RAI14: variants seen among roughly 807,000 people sequenced by gnomAD.
The protein encoded by RAI14 is retinoic acid induced 14, also known as ankycorbin.
In RAI14, 45 loss-of-function variants were observed where a neutral mutation model predicts 115.4. The observed-to-expected ratio is 0.39, with a 90% CI of 0.31 to 0.50. RAI14 has a LOEUF of 0.50. RAI14 is among the 20% of genes least tolerant of loss of function. RAI14 has a pLI of 0.85. For missense variants in RAI14, 939 were observed against 1,131.2 expected (o/e 0.83, Z 2.44); for synonymous variants, 371 against 415.4 (o/e 0.89, Z 1.30).
At chr5:34,688,394 C>A in intron 2 of RAI14, 1 of 759,076 alleles carries the variant, frequency 1.3e-6, no homozygotes, top group African/African-American at 1.8e-5. Context: ...AAAATTTCAT[C>A]AGTCTAGACT....
rs184371829 is a variant in RAI14 at position 34,814,297 on chromosome 5, G to A, written c.853-286G>A. ...CTCATCTCATAAGTATTTTTTAAATGTATGTTAGCATACTTATTAATATTC... is the reference window on the plus strand; with the variant it reads ...CTCATCTCATAAGTATTTTTTAAATATATGTTAGCATACTTATTAATATTC... On this transcript the variant is annotated intron_variant, in intron 11 of 17. Coordinates refer to ENST00000265109, the MANE Select transcript of RAI14 (RefSeq NM_015577.3). Among the ~76,000 whole-genome samples the A allele has an allele frequency of 2.3e-3, 356 of 152,284 alleles. 1 individual carries two copies. Among genetic ancestry groups the A allele is most frequent in the African/African-American group, 8.3e-3 (347 of 41,564 alleles).
At chr5:34,815,292 A>T (rs1756087874) in intron 12 of RAI14, among the ~76,000 whole-genome samples, 1 of 152,206 alleles carries the variant, frequency 6.6e-6, no homozygotes, top group South Asian at 2.1e-4. Flanking sequence ...GAGGCAGGAG[A>T]ATCACTTACA....
chr5:34,690,707 A>T (rs1358642487), intron 2 of RAI14, among the ~76,000 whole-genome samples: 2 of 152,198 alleles, frequency 1.3e-5, no homozygotes, highest in Non-Finnish European at 2.9e-5. Flanking sequence ...GGTGGTTTTG[A>T]TTCTTAAATC....
chr5:34,708,413 G>T (rs1460335180), intron 2 of RAI14, among the ~76,000 whole-genome samples: 1 of 152,044 alleles, frequency 6.6e-6, no homozygotes, highest in Non-Finnish European at 1.5e-5. Flanking sequence ...CGTTGGTCAG[G>T]CTGGTCTCAA....
chr5:34,687,716 A>G (rs773072810), intron 2 of RAI14: 16 of 1,551,502 alleles, frequency 1.0e-5, no homozygotes, highest in Non-Finnish European at 1.4e-5. Flanking sequence ...ATTAGATGGA[A>G]GCCAAGGTAT....
chr5:34,658,034 C>T (rs1742416756), intron 1 of RAI14, among the ~76,000 whole-genome samples: 1 of 152,170 alleles, frequency 6.6e-6, no homozygotes, highest in Non-Finnish European at 1.5e-5. Context: ...TTAGCCAGTG[C>T]TTGTCTAACA....
chr5:34,752,026 A>T lies in RAI14; in HGVS notation c.37-5442A>T, dbSNP rs73074515. On this transcript the variant is annotated intron_variant, in intron 2 of 17. Coordinates refer to ENST00000265109, the MANE Select transcript of RAI14 (RefSeq NM_015577.3). ...GACTCCTGGGGTCAGAGTCTGCTAG[A>T]TGGGGCTTGGGAGTCTGCAGATTTA... 7.9e-3 allele frequency among the ~76,000 whole-genome samples: 1,198 copies of T among 152,270 alleles called. 19 individuals carry two copies. The highest frequency in any genetic ancestry group is 0.028 in the African/African-American group (1,161 of 41,542).
In RAI14 at chr5:34,743,135, G is replaced by A. The variant is rs564734987; in HGVS notation, c.37-14333G>A. Among the ~76,000 whole-genome samples, 163 of 152,316 alleles carry A rather than the reference G, an allele frequency of 1.1e-3. 1 individual carries two copies. Among genetic ancestry groups the A allele is most frequent in the African/African-American group, 3.6e-3 (150 of 41,562 alleles). ...GAGCAAACCCTCTCCATGTGTCACCGCATCAGTTTCTTAGGGCTGCCATAG... is the reference window on the plus strand; with the variant it reads ...GAGCAAACCCTCTCCATGTGTCACCACATCAGTTTCTTAGGGCTGCCATAG... On this transcript the variant is annotated intron_variant, in intron 2 of 17. Coordinates refer to ENST00000265109, the MANE Select transcript of RAI14 (RefSeq NM_015577.3).
At position 34,757,794 on chromosome 5, in the gene RAI14, A is replaced by G. The variant is rs779770330; in HGVS notation, c.167+196A>G. Reference sequence around the variant, plus strand: ...ATATGGAGCTCTACCTTGAATGGGTATACATGTTCCCAAGTATAAGCAAAG... The same window carrying G: ...ATATGGAGCTCTACCTTGAATGGGTGTACATGTTCCCAAGTATAAGCAAAG... On this transcript the variant is annotated intron_variant, in intron 3 of 17. Coordinates refer to ENST00000265109, the MANE Select transcript of RAI14 (RefSeq NM_015577.3). 149 of 543,510 alleles carry G rather than the reference A, an allele frequency of 2.7e-4. 1 individual carries two copies. The highest frequency in any genetic ancestry group is 2.5e-4 in the Non-Finnish European group (88 of 357,376). The allele number at this position is 543,510 out of a possible 1,614,324, so 33.7% of individuals were successfully genotyped here. A position where few individuals can be genotyped will look rare whatever the true frequency, so the allele number is the denominator to read the frequency against.
rs150712220 is a variant in RAI14 at position 34,718,319 on chromosome 5, T to G, written c.36+31364T>G. On this transcript the variant is annotated intron_variant, in intron 2 of 17. Coordinates refer to ENST00000265109, the MANE Select transcript of RAI14 (RefSeq NM_015577.3). ...GTTAATTTACACACCATAAGGTACG[T>G]GGTTAGTGGTTCTCAACATTTTTAA... Among the ~76,000 whole-genome samples the G allele has an allele frequency of 1.7e-3, 255 of 152,378 alleles. 1 individual carries two copies. Among genetic ancestry groups the G allele is most frequent in the Admixed American group, 3.2e-3 (49 of 15,302 alleles).
intron 1 of RAI14, among the ~76,000 whole-genome samples, chr5:34,660,828 A>G (rs760843681): frequency 6.6e-6 from 1 of 151,242 alleles, no homozygotes; most frequent in East Asian, 1.9e-4. Context: ...TACACATGCA[A>G]TCATCATGCT....
intron 2 of RAI14, among the ~76,000 whole-genome samples, chr5:34,752,376 T>C (rs917151473): frequency 3.9e-5 from 6 of 152,086 alleles, no homozygotes; most frequent in Non-Finnish European, 7.3e-5. Context: ...GGGTAAGAAA[T>C]GAAGACTGTT....
chr5:34,741,383 C>G (rs187278829), intron 2 of RAI14, among the ~76,000 whole-genome samples: 3 of 152,196 alleles, frequency 2.0e-5, no homozygotes, highest in African/African-American at 7.2e-5. Flanking sequence ...AGGCTCTTAG[C>G]CCTACACTGT....
chr5:34,681,809 C>CT (rs1744400628), intron 1 of RAI14, among the ~76,000 whole-genome samples: 1 of 150,014 alleles, frequency 6.7e-6, no homozygotes, highest in South Asian at 2.1e-4. Context: ...TGCTGCATTT[C>CT]TTTTTTCATC....
At chr5:34,784,985 A>G (rs1752125045) in intron 3 of RAI14, among the ~76,000 whole-genome samples, 1 of 152,216 alleles carries the variant, frequency 6.6e-6, no homozygotes, top group Non-Finnish European at 1.5e-5. Flanking sequence ...GTCATTTACT[A>G]AAGTCTCCAT....
chr5:34,702,956 T>G (rs1740264575), intron 2 of RAI14, among the ~76,000 whole-genome samples: 1 of 152,224 alleles, frequency 6.6e-6, no homozygotes, highest in Non-Finnish European at 1.5e-5. Flanking sequence ...TCCGCCTGCC[T>G]CGGCCTCCCA....
At chr5:34,728,213 TTTTAA>T (rs1375373610) in intron 2 of RAI14, among the ~76,000 whole-genome samples, 1 of 152,232 alleles carries the variant, frequency 6.6e-6, no homozygotes, top group African/African-American at 2.4e-5. Flanking sequence ...ACCAACTTAC[TTTTAA>T]TTTTACTGGC....
intron 2 of RAI14, among the ~76,000 whole-genome samples, chr5:34,694,461 A>G (rs2149905991): frequency 6.6e-6 from 1 of 152,306 alleles, no homozygotes; most frequent in East Asian, 1.9e-4. Context: ...TAGTGACTAG[A>G]CTTGGCTTTC....
chr5:34,732,273 A>C (rs1744287565), intron 2 of RAI14, among the ~76,000 whole-genome samples: 1 of 152,164 alleles, frequency 6.6e-6, no homozygotes, highest in African/African-American at 2.4e-5. Flanking sequence ...TAATCACTAC[A>C]AAGAGCCAGA....
Sources: gnomAD v4.1 joint callset for allele counts (sites outside exome capture counted in the v4.1 genomes callset) on GRCh38, gnomAD v4.1.1 for gene constraint, MANE v1.5 for transcripts, NCBI Gene and HGNC (gene_info 2026-07-23, HGNC 2026-07-21) for gene names.